The following IQCN variants were observed in gnomAD, a reference collection of about 807,000 sequenced individuals.
IQCN encodes IQ domain-containing protein N.
A neutral mutation model predicts 64.4 loss-of-function variants in IQCN; 46 were observed. The observed-to-expected ratio is 0.71, with a 90% confidence interval of 0.56 to 0.91. The LOEUF (loss-of-function observed/expected upper bound fraction) is 0.91, where lower values mean the gene tolerates loss of function less well. IQCN is among the 40% of genes least tolerant of loss of function. IQCN has a pLI of 0.00. For synonymous variants in IQCN, 733 were observed against 775.6 expected (o/e 0.95, Z 0.91); for missense variants, 1,753 against 1,857.4 (o/e 0.94, Z 1.03).
chr19:18,258,690 C>A, intron 3 of IQCN: 1 of 338,410 alleles, frequency 3.0e-6, no homozygotes. Flanking sequence ...TGAAAGCAAT[C>A]TGAAAGCCTC....
chr19:18,273,882 C>T (rs544577417), intron 1 of IQCN, among the ~76,000 whole-genome samples: 10 of 152,206 alleles, frequency 6.6e-5, no homozygotes, highest in African/African-American at 2.2e-4. Context: ...AGAAGCCAAG[C>T]GACTGGCTCG....
In IQCN at chr19:18,266,815, G is replaced by A. The variant is rs138854310; in HGVS notation, c.725C>T (p.Thr242Met). Residue 242 changes from threonine (T) to methionine (M), a missense_variant, in exon 3 of 4, where the codon ACG becomes ATG. Physicochemically the swap from Thr to Met is moderately conservative, Grantham distance 81. Coordinates refer to ENST00000392413, the MANE Select transcript of IQCN (RefSeq NM_001145304.2). The surrounding 1 kb of genome is among the most constrained non-coding windows in gnomAD (Gnocchi z 4.3). ...VRGLAFLPHQ[T>M]VTIRFPCPVS... ...TGGGCAGGGAAATCTGATGGTGACCGTCTGGTGTGGCAGGAAGGCCAGCCC... is the reference window on the plus strand; with the variant it reads ...TGGGCAGGGAAATCTGATGGTGACCATCTGGTGTGGCAGGAAGGCCAGCCC... The A allele has an allele frequency of 1.8e-4, 283 of 1,614,166 alleles. No homozygotes were observed. The highest frequency in any genetic ancestry group is 6.6e-4 in the Middle Eastern group (4 of 6,060).
At position 18,267,171 on chromosome 19, in the gene IQCN, C is replaced by G. The variant is rs61740692; in HGVS notation, c.369G>C (p.Leu123=). 0.011 allele frequency: 18,522 copies of G among 1,614,262 alleles called. 145 individuals are homozygous for G. The highest frequency in any genetic ancestry group is 0.014 in the Non-Finnish European group (16,846 of 1,180,052). Residue 123 remains leucine (L), a synonymous_variant, in exon 3 of 4, where the codon CTG becomes CTC. Coordinates refer to ENST00000392413, the MANE Select transcript of IQCN (RefSeq NM_001145304.2). The part of the protein sequence containing the change: ...NWRGYWLRQK[L]ISQMMAAKAI... ...CCTTGGCCGCCATCATCTGGGAAAT[C>G]AGCTTCTGCCGGAGCCAATAGCCCC...
At chr19:18,258,742 T>G (rs1027772385) in intron 3 of IQCN, 3 of 302,976 alleles carry the variant, frequency 9.9e-6, no homozygotes, top group African/African-American at 2.2e-5. Flanking sequence ...GAGACTACAT[T>G]AGAAGCCACT....
Position 18,266,812 on chromosome 19 carries a change from A to G in IQCN, c.728T>C (p.Val243Ala). The G allele has an allele frequency of 6.2e-7, 1 of 1,614,074 alleles. No individual in the cohort carries two copies. Among genetic ancestry groups the G allele is most frequent in the Non-Finnish European group, 8.5e-7 (1 of 1,179,994 alleles). ...RGLAFLPHQT[V>A]TIRFPCPVSL... ...CACTGGGCAGGGAAATCTGATGGTG[A>G]CCGTCTGGTGTGGCAGGAAGGCCAG... Residue 243 changes from valine (V) to alanine (A), a missense_variant, in exon 3 of 4, where the codon GTC becomes GCC. Transcript: ENST00000392413. The surrounding 1 kb of genome is among the most constrained non-coding windows in gnomAD (Gnocchi z 4.3).
intron 1 of IQCN, among the ~76,000 whole-genome samples, chr19:18,271,280 G>A (rs1238341459): frequency 6.6e-6 from 1 of 151,734 alleles, no homozygotes; most frequent in African/African-American, 2.4e-5. Flanking sequence ...GACCAGCCTG[G>A]CCAACATGGT....
intron 1 of IQCN, among the ~76,000 whole-genome samples, chr19:18,270,220 G>A (rs1969705586): frequency 6.6e-6 from 1 of 151,170 alleles, no homozygotes; most frequent in Non-Finnish European, 1.5e-5. Context: ...AATTAGCCAG[G>A]CATAGTGGTT....
At chr19:18,267,604 C>T (rs1373952597) in intron 2 of IQCN, 78 bp from the exon 3 acceptor site, 1 of 1,451,518 alleles carries the variant, frequency 6.9e-7, no homozygotes. Context: ...TGGACACTGG[C>T]CCCCCAGGCC....
rs754339948 is a variant in IQCN, at chr19:18,265,279, G to A, written c.2261C>T (p.Thr754Met). 7.4e-6 allele frequency: 12 copies of A among 1,613,926 alleles called. No homozygotes were observed. Among genetic ancestry groups the A allele is most frequent in the Admixed American group, 3.3e-5 (2 of 60,012 alleles). ...SRGQPITDIT[T>M]CLIPAHQAAD... Reference sequence around the variant, plus strand: ...AGCCTGGTGCGCTGGGATGAGGCACGTGGTTATGTCTGTGATCGGCTGCCC... The same window carrying A: ...AGCCTGGTGCGCTGGGATGAGGCACATGGTTATGTCTGTGATCGGCTGCCC... The change falls in exon 3 of 4, where the codon ACG (threonine) becomes ATG (methionine). Residue 754 changes from threonine to methionine, a missense_variant. By Grantham distance (81) the Thr-to-Met change is moderately conservative. Transcript: ENST00000392413. This position sits in a 1 kb window ranked among gnomAD's most constrained non-coding sequence, Gnocchi z 4.7.
Position 18,269,506 on chromosome 19 carries a change from G to A in IQCN, c.-28C>T. On this transcript the variant is annotated 5_prime_UTR_variant, in exon 2 of 4. Transcript: ENST00000392413. ...ATTTGGAGGAGTAGCAGGAGAAGAA[G>A]GTGCAATCTCAGAAGCCAGCCTGCA... The A allele has an allele frequency of 6.2e-7, 1 of 1,613,688 alleles. No homozygotes were observed. The highest frequency in any genetic ancestry group is 2.2e-5 in the East Asian group (1 of 44,878).
chr19:18,263,143 T>C (rs1028661703), intron 3 of IQCN, among the ~76,000 whole-genome samples: 2 of 152,208 alleles, frequency 1.3e-5, no homozygotes, highest in African/African-American at 4.8e-5. Flanking sequence ...AGTGTCCCCA[T>C]GGACTCCGGA....
In IQCN at chr19:18,265,294, A is replaced by T; in HGVS notation, c.2246T>A (p.Ile749Asn). The change falls in exon 3 of 4, where the codon ATC becomes AAC. Residue 749 changes from isoleucine to asparagine, a missense_variant. Ile to Asn is a moderately radical substitution (Grantham distance 149, BLOSUM62 -3). Transcript: ENST00000392413. The surrounding 1 kb of genome is among the most constrained non-coding windows in gnomAD (Gnocchi z 4.7). Reference protein sequence around the residue: ...LTKTQSRGQPITDITTCLIPA... With the variant: ...LTKTQSRGQPNTDITTCLIPA... Reference sequence around the variant, plus strand: ...GATGAGGCACGTGGTTATGTCTGTGATCGGCTGCCCCCGGGACTGCGTCTT... The same window carrying T: ...GATGAGGCACGTGGTTATGTCTGTGTTCGGCTGCCCCCGGGACTGCGTCTT... The T allele has an allele frequency of 6.2e-7, 1 of 1,614,034 alleles. No individual in the cohort carries two copies. Among genetic ancestry groups the T allele is most frequent in the Non-Finnish European group, 8.5e-7 (1 of 1,180,004 alleles).
intron 3 of IQCN, among the ~76,000 whole-genome samples, chr19:18,263,758 G>A (rs1969481347): frequency 6.6e-6 from 1 of 152,172 alleles, no homozygotes; most frequent in Non-Finnish European, 1.5e-5. Flanking sequence ...CACCAAGGCA[G>A]GCCCCCACAG....
intron 1 of IQCN, among the ~76,000 whole-genome samples, chr19:18,272,418 G>A (rs1053863800): frequency 2.6e-5 from 4 of 151,812 alleles, no homozygotes; most frequent in Non-Finnish European, 4.4e-5. Context: ...ATGAGCCACC[G>A]CGCCCGGCCT....
Position 18,264,418 on chromosome 19 carries a change from C to A in IQCN, c.3122G>T (p.Ser1041Ile). The change falls in exon 3 of 4, where the codon AGT (serine) becomes ATT (isoleucine). Residue 1041 changes from serine to isoleucine, a missense_variant. Physicochemically the swap from Ser to Ile is moderately radical, Grantham distance 142 (BLOSUM62 -2). Transcript: ENST00000392413. This position sits in a 1 kb window ranked among gnomAD's most constrained non-coding sequence, Gnocchi z 4.3. ...GGAGGGCCCCCATGCGGCCGATGGA[C>A]TCCTCCTGCAGGCCACCTTCACCAG... is the stretch of plus-strand genomic sequence containing the variant. Reference protein sequence around the residue: ...PALVKVACRRSPSAAWGPSLG... With the variant: ...PALVKVACRRIPSAAWGPSLG... 1.3e-6 allele frequency: 2 copies of A among 1,543,770 alleles called. No individual in the cohort carries two copies. The highest frequency in any genetic ancestry group is 1.7e-6 in the Non-Finnish European group (2 of 1,142,924).
In IQCN at chr19:18,257,243, C is replaced by T. The variant is rs1355302801; in HGVS notation, c.4041G>A (p.Glu1347=). The part of the protein sequence containing the change: ...HHTRSCLKNT[E]ALLGPADPSA... ...AGGGGTCTGCTGGTCCCAAGAGCGCCTCTGTGTTCTTCAGACAGCTCCGGG... is the reference window on the plus strand; with the variant it reads ...AGGGGTCTGCTGGTCCCAAGAGCGCTTCTGTGTTCTTCAGACAGCTCCGGG... Residue 1347 remains glutamate (E), a synonymous_variant, in exon 4 of 4, where the codon GAG becomes GAA. Coordinates refer to ENST00000392413, the MANE Select transcript of IQCN (RefSeq NM_001145304.2). 1 of 1,613,756 alleles carries T rather than the reference C, an allele frequency of 6.2e-7. No homozygotes were observed. The highest frequency in any genetic ancestry group is 8.5e-7 in the Non-Finnish European group (1 of 1,180,034).
At chr19:18,260,280 C>G (rs1969396466) in intron 3 of IQCN, 1 of 152,524 alleles carries the variant, frequency 6.6e-6, no homozygotes, top group African/African-American at 2.4e-5. Flanking sequence ...TAGGTTCACC[C>G]CAGTACCCAG....
In IQCN at chr19:18,269,495, C is replaced by T; in HGVS notation, c.-17G>A. ...AAGGGTCATAGATTTGGAGGAGTAG[C>T]AGGAGAAGAAGGTGCAATCTCAGAA... On this transcript the variant is annotated 5_prime_UTR_variant, in exon 2 of 4. Coordinates refer to ENST00000392413, the MANE Select transcript of IQCN (RefSeq NM_001145304.2). 1 of 1,613,816 alleles carries T rather than the reference C, an allele frequency of 6.2e-7. No individual in the cohort carries two copies. The highest frequency in any genetic ancestry group is 1.7e-5 in the Admixed American group (1 of 60,000).
Position 18,265,482 on chromosome 19 carries a change from C to A in IQCN, c.2058G>T (p.Pro686=). Residue 686 remains proline, a synonymous_variant, in exon 3 of 4, where the codon CCG becomes CCT. Coordinates refer to ENST00000392413, the MANE Select transcript of IQCN (RefSeq NM_001145304.2). The surrounding 1 kb of genome is among the most constrained non-coding windows in gnomAD (Gnocchi z 4.7). ...GTCCCTGAGATGAGGCCTTGGTCAG[C>A]GGGGCGGCCAGTGGTCTCTGGGACA... ...PCLSQRPLAA[P]LTKASSQGHL... is the part of the protein sequence containing the mutation. 1 of 1,612,900 alleles carries A rather than the reference C, an allele frequency of 6.2e-7. No homozygotes were observed. Among genetic ancestry groups the A allele is most frequent in the Non-Finnish European group, 8.5e-7 (1 of 1,179,042 alleles).
Sources: allele counts gnomAD v4.1 joint callset (sites outside exome capture counted in the v4.1 genomes callset), GRCh38; gene constraint gnomAD v4.1.1; non-coding constraint Gnocchi (gnomAD v3.1); transcripts MANE v1.5; gene names NCBI Gene and HGNC (gene_info 2026-07-23, HGNC 2026-07-21).